The following TBCK variants were observed in gnomAD, a reference collection of about 807,000 sequenced individuals.
TBCK encodes TBC1 domain containing kinase.
Under a neutral mutation model 113.4 loss-of-function variants are expected in TBCK, and 99 were observed. That is an observed-to-expected ratio of 0.87 (90% confidence interval 0.74 to 1.03). The LOEUF is 1.03. TBCK is among the 50% of genes least tolerant of loss of function. The pLI is 0.00. For missense variants in TBCK, 1,045 were observed against 1,061.3 expected (o/e 0.98, Z 0.21); for synonymous variants, 369 against 370.8 (o/e 1.00, Z 0.05).
intron 25 of TBCK, among the ~76,000 whole-genome samples, chr4:106,057,976 A>T (rs1735618944): frequency 6.6e-6 from 1 of 151,752 alleles, no homozygotes; most frequent in Non-Finnish European, 1.5e-5. Context: ...ACTTGACACT[A>T]GTGTTTTTTC....
intron 23 of TBCK, among the ~76,000 whole-genome samples, chr4:106,134,813 GGA>G (rs1252638778): frequency 6.6e-6 from 1 of 152,082 alleles, no homozygotes; most frequent in Non-Finnish European, 1.5e-5. Context: ...TGAGAAGTAG[GGA>G]GAGAGATGGT....
chr4:106,102,930 A>G (rs999284817), intron 24 of TBCK, among the ~76,000 whole-genome samples: 2 of 152,208 alleles, frequency 1.3e-5, no homozygotes, highest in African/African-American at 2.4e-5. Context: ...CACTTCTTAA[A>G]CAGATTGTTA....
chr4:106,062,234 A>C (rs540883383), intron 25 of TBCK, among the ~76,000 whole-genome samples: 11 of 151,984 alleles, frequency 7.2e-5, no homozygotes, highest in Non-Finnish European at 1.2e-4. Flanking sequence ...AATTTTTTTG[A>C]AAAGCAAACT....
At chr4:106,216,525 T>C (rs1201788484) in intron 19 of TBCK, among the ~76,000 whole-genome samples, 1 of 151,398 alleles carries the variant, frequency 6.6e-6, no homozygotes. Flanking sequence ...TAAAAAATGA[T>C]AAAGGGGATA....
chr4:106,187,406 G>C (rs1341863831), intron 22 of TBCK, among the ~76,000 whole-genome samples: 2 of 146,606 alleles, frequency 1.4e-5, no homozygotes, highest in Non-Finnish European at 3.1e-5. Flanking sequence ...TGTCATCTAT[G>C]ATTTTTTTTT....
chr4:106,156,647 C>T (rs929267176), intron 23 of TBCK, among the ~76,000 whole-genome samples: 16 of 152,160 alleles, frequency 1.1e-4, no homozygotes, highest in Admixed American at 3.9e-4. Context: ...CCTATGACCA[C>T]CATCACAAAC....
rs772369614 is a variant in TBCK, at chr4:106,190,721, T to C, written c.2059+2888A>G. ...ACGCAGAACACATTCAATCTAAACA[T>C]ATGAAGAAGAAGAACTTTTTTTTTT... On this transcript the variant is annotated intron_variant, in intron 22 of 25. Transcript: ENST00000394708. Among the ~76,000 whole-genome samples, 6 of 151,724 alleles carry C rather than the reference T, an allele frequency of 4.0e-5. No homozygotes were observed. In the South Asian group the frequency reaches 8.3e-4, roughly 21 times the overall value.
At chr4:106,144,219 T>C (rs757295610) in intron 23 of TBCK, among the ~76,000 whole-genome samples, 12 of 152,210 alleles carry the variant, frequency 7.9e-5, no homozygotes, top group Non-Finnish European at 1.5e-4. Flanking sequence ...AATTTGGAAC[T>C]GATATACTGT....
intron 23 of TBCK, among the ~76,000 whole-genome samples, chr4:106,168,362 T>C (rs1044943389): frequency 6.6e-6 from 1 of 151,798 alleles, no homozygotes; most frequent in African/African-American, 2.4e-5. Context: ...GTAAAAAACA[T>C]CTACAAAAAC....
intron 25 of TBCK, among the ~76,000 whole-genome samples, chr4:106,071,013 G>T (rs959451808): frequency 3.3e-5 from 5 of 150,870 alleles, no homozygotes; most frequent in African/African-American, 9.7e-5. Context: ...TCTTGCTAGT[G>T]GTCTATCTAT....
intron 5 of TBCK, among the ~76,000 whole-genome samples, chr4:106,256,854 G>A (rs1412335475): frequency 6.6e-6 from 1 of 152,000 alleles, no homozygotes; most frequent in Non-Finnish European, 1.5e-5. Context: ...TCTTATAAAA[G>A]CTATACATGG....
chr4:106,075,848 A>T (rs150102634), intron 25 of TBCK, among the ~76,000 whole-genome samples: 2 of 152,354 alleles, frequency 1.3e-5, no homozygotes, highest in African/African-American at 4.8e-5. Context: ...TAGCACATAC[A>T]GCATAAAAGT....
At chr4:106,055,412 A>G in intron 25 of TBCK, among the ~76,000 whole-genome samples, 1 of 151,852 alleles carries the variant, frequency 6.6e-6, no homozygotes, top group Middle Eastern at 3.4e-3. Context: ...AAGGAAAGAA[A>G]GATAATTTAA....
intron 3 of TBCK, among the ~76,000 whole-genome samples, chr4:106,294,582 C>T (rs772141916): frequency 2.6e-5 from 4 of 151,918 alleles, no homozygotes; most frequent in Non-Finnish European, 2.9e-5. Flanking sequence ...CCTGGGTTCA[C>T]GCCATTCTCC....
chr4:106,179,881 T>A (rs1490716707), intron 22 of TBCK, among the ~76,000 whole-genome samples: 1 of 152,048 alleles, frequency 6.6e-6, no homozygotes, highest in African/African-American at 2.4e-5. Context: ...ATCTCTCTCT[T>A]TAGGTTAATT....
Position 106,135,485 on chromosome 4 carries a change from A to G in TBCK, c.2236-19107T>C, listed in dbSNP as rs1365288789. Among the ~76,000 whole-genome samples, 2 of 97,562 alleles carry G rather than the reference A, an allele frequency of 2.0e-5. 1 individual carries two copies. The highest frequency in any genetic ancestry group is 5.3e-5 in the Non-Finnish European group (2 of 38,052). 64.0% of individuals were successfully genotyped at this position (97,562 alleles called of 152,430 possible). On this transcript the variant is annotated intron_variant, in intron 23 of 25. Transcript: ENST00000394708. The stretch of plus-strand genomic sequence containing the variant: ...TCTCTTGTAAGATTCCATGTATGGA[A>G]CCAAAGGTGCATACTATGAGAACTC...
At chr4:106,241,786 T>C (rs1029798534) in intron 12 of TBCK, among the ~76,000 whole-genome samples, 5 of 151,892 alleles carry the variant, frequency 3.3e-5, no homozygotes, top group African/African-American at 1.2e-4. Context: ...TATAAGGAAA[T>C]ATATAAAAAC....
intron 25 of TBCK, among the ~76,000 whole-genome samples, chr4:106,068,570 C>G (rs1272829849): frequency 2.0e-5 from 3 of 152,062 alleles, no homozygotes; most frequent in African/African-American, 7.2e-5. Context: ...TGGGTTGGTT[C>G]CAAGTCTTTG....
At position 106,193,687 on chromosome 4, in the gene TBCK, C is replaced by G. The variant is rs777006210; in HGVS notation, c.1981G>C (p.Ala661Pro). The change falls in exon 22 of 26, where the codon GCA (alanine) becomes CCA (proline). Residue 661 changes from alanine (A) to proline (P), a missense_variant. Physicochemically the swap from Ala to Pro is conservative, Grantham distance 27. Transcript: ENST00000394708. The part of the protein sequence containing the change: ...NSSFPFCIGV[A>P]ILQQLRDRLL... Reference sequence around the variant, plus strand: ...CGGTCCCGCAGCTGCTGAAGAATTGCTACTCCAATACAGAATGGGAAAGAG... The same window carrying G: ...CGGTCCCGCAGCTGCTGAAGAATTGGTACTCCAATACAGAATGGGAAAGAG... 1 of 1,613,362 alleles carries G rather than the reference C, an allele frequency of 6.2e-7. No individual in the cohort carries two copies. Among genetic ancestry groups the G allele is most frequent in the Non-Finnish European group, 8.5e-7 (1 of 1,179,616 alleles).
Sources: allele counts gnomAD v4.1 joint callset (sites outside exome capture counted in the v4.1 genomes callset), GRCh38; gene constraint gnomAD v4.1.1; transcripts MANE v1.5; gene names NCBI Gene and HGNC (gene_info 2026-07-23, HGNC 2026-07-21).